AGBL1: variants seen among roughly 807,000 people sequenced by gnomAD.
AGBL1 encodes the protein cytosolic carboxypeptidase 4.
In AGBL1, 130 loss-of-function variants were observed where a neutral mutation model predicts 118.9. The ratio of observed to expected loss-of-function variants is 1.09; its 90% CI spans 0.95 to 1.26. AGBL1 has a LOEUF of 1.26. Ranked by LOEUF, AGBL1 falls within the 50% of genes most tolerant of loss-of-function variation. The pLI, the probability that AGBL1 is intolerant of heterozygous loss-of-function variation, is 0.00. For synonymous variants in AGBL1, 555 were observed against 478.9 expected (o/e 1.16, Z -2.08); for missense variants, 1,584 against 1,298.1 (o/e 1.22, Z -3.38).
At chr15:86,212,765 T>A (rs1266317044) in intron 5 of AGBL1, among the ~76,000 whole-genome samples, 1 of 152,212 alleles carries the variant, frequency 6.6e-6, no homozygotes, top group African/African-American at 2.4e-5. Context: ...TTCTTCTGCC[T>A]CAGCCTCCCA....
upstream of AGBL1, chr15:86,079,867 G>A (rs533660477): frequency 2.7e-3 from 2,171 of 790,384 alleles, 7 homozygotes; most frequent in Non-Finnish European, 3.3e-3. Flanking sequence ...TGAGGCCTCC[G>A]GGCAGTCGTC....
At chr15:86,157,344 G>A (rs571251568) in intron 4 of AGBL1, among the ~76,000 whole-genome samples, 3 of 152,338 alleles carry the variant, frequency 2.0e-5, no homozygotes, top group African/African-American at 7.2e-5. Flanking sequence ...TCTCATTAAT[G>A]AATAGACAGA....
chr15:86,749,993 A>C (rs190798363), intron 22 of AGBL1, among the ~76,000 whole-genome samples: 2,692 of 152,174 alleles, frequency 0.018, 34 homozygotes, highest in Non-Finnish European at 0.026. Context: ...TGTCTCTGCC[A>C]GGCTTTGGTA....
chr15:86,576,057 A>G (rs989693792), intron 21 of AGBL1, among the ~76,000 whole-genome samples: 6 of 152,224 alleles, frequency 3.9e-5, no homozygotes, highest in African/African-American at 1.4e-4. Context: ...TGAACATTGG[A>G]TGACTCAGAA....
intron 17 of AGBL1, among the ~76,000 whole-genome samples, chr15:86,316,334 A>T (rs543709457): frequency 3.0e-4 from 46 of 152,090 alleles, no homozygotes; most frequent in African/African-American, 1.1e-3. Flanking sequence ...TGCTTGATTC[A>T]TTTTTTCTTG....
At chr15:86,712,993 C>A (rs1285189973) in intron 22 of AGBL1, among the ~76,000 whole-genome samples, 1 of 152,158 alleles carries the variant, frequency 6.6e-6, no homozygotes, top group African/African-American at 2.4e-5. Flanking sequence ...ATGTGCACTA[C>A]AACCCATCCC....
intron 18 of AGBL1, among the ~76,000 whole-genome samples, chr15:86,409,676 G>A (rs2081583011): frequency 6.6e-6 from 1 of 152,146 alleles, no homozygotes; most frequent in African/African-American, 2.4e-5. Flanking sequence ...TGTGCCTGTA[G>A]TTGATGGGTT....
intron 17 of AGBL1, among the ~76,000 whole-genome samples, chr15:86,301,116 C>G (rs1407944449): frequency 6.6e-6 from 1 of 152,138 alleles, no homozygotes; most frequent in Non-Finnish European, 1.5e-5. Context: ...GAAGTGACAA[C>G]AGTGGTTGGT....
intron 22 of AGBL1, among the ~76,000 whole-genome samples, chr15:86,778,300 G>A (rs8026811): frequency 0.083 from 12,646 of 152,048 alleles, 607 homozygotes; most frequent in South Asian, 0.15. Context: ...ATGAAGTTTC[G>A]GGCACACAAT....
intron 17 of AGBL1, among the ~76,000 whole-genome samples, chr15:86,377,713 C>G (rs932998786): frequency 6.6e-6 from 1 of 152,138 alleles, no homozygotes; most frequent in Non-Finnish European, 1.5e-5. Flanking sequence ...GGGCCGCCCT[C>G]GTCCAGGTGG....
At chr15:86,461,246 T>G (rs141488628) in intron 18 of AGBL1, among the ~76,000 whole-genome samples, 3 of 152,234 alleles carry the variant, frequency 2.0e-5, no homozygotes, top group Non-Finnish European at 4.4e-5. Flanking sequence ...CTGCAACCAC[T>G]CTACTAGTTT....
chr15:86,339,596 T>G (rs1193296326), intron 17 of AGBL1, among the ~76,000 whole-genome samples: 2 of 152,214 alleles, frequency 1.3e-5, no homozygotes, highest in African/African-American at 4.8e-5. Flanking sequence ...AGGTAACAGA[T>G]TCTTCTTTCC....
intron 21 of AGBL1, among the ~76,000 whole-genome samples, chr15:86,561,091 G>C (rs562871683): frequency 1.3e-5 from 2 of 152,292 alleles, no homozygotes; most frequent in South Asian, 4.1e-4. Flanking sequence ...TAGGTTGCCT[G>C]TTCACTCTGA....
chr15:86,695,932 A>G (rs1302856218), intron 22 of AGBL1, among the ~76,000 whole-genome samples: 1 of 151,876 alleles, frequency 6.6e-6, no homozygotes, highest in African/African-American at 2.4e-5. Flanking sequence ...TTGATTTCCA[A>G]TTTGATTCCA....
intron 23 of AGBL1, among the ~76,000 whole-genome samples, chr15:86,949,100 G>T (rs530852256): frequency 6.6e-6 from 1 of 152,082 alleles, no homozygotes; most frequent in Non-Finnish European, 1.5e-5. Flanking sequence ...TCCAACAGGA[G>T]ATAATTTAGA....
chr15:86,710,479 G>C (rs1033926453), intron 22 of AGBL1, among the ~76,000 whole-genome samples: 3 of 152,272 alleles, frequency 2.0e-5, no homozygotes, highest in Non-Finnish European at 2.9e-5. Flanking sequence ...TTAAGGCTCT[G>C]CTCAGCATTA....
At position 86,596,995 on chromosome 15, in the gene AGBL1, A is replaced by G. The variant is rs16977827; in HGVS notation, c.2994+42458A>G. ...TGGACCAACATGTGACAGATATTTA[A>G]TAAATTCACATGGAATAAATTAGAC... On this transcript the variant is annotated intron_variant, in intron 21 of 22. Coordinates refer to ENST00000614907, the MANE Select transcript of AGBL1 (RefSeq NM_001386094.1). Among the ~76,000 whole-genome samples, 1,889 of 152,330 alleles carry G rather than the reference A, an allele frequency of 0.012. 62 individuals are homozygous for G. The East Asian group carries it at 0.15, about 12-fold the overall frequency.
chr15:87,007,721 G>A (rs2081519248), intron 24 of AGBL1, among the ~76,000 whole-genome samples: 1 of 152,190 alleles, frequency 6.6e-6, no homozygotes, highest in South Asian at 2.1e-4. Flanking sequence ...AGATATGTAA[G>A]TGAATCCATC....
At chr15:86,100,900 T>G (rs1420649068) in intron 1 of AGBL1, among the ~76,000 whole-genome samples, 2 of 152,182 alleles carry the variant, frequency 1.3e-5, no homozygotes, top group Non-Finnish European at 2.9e-5. Context: ...AGTCATTTCC[T>G]TCTACTCATT....
Sources: gnomAD v4.1 joint callset for allele counts (sites outside exome capture counted in the v4.1 genomes callset) on GRCh38, gnomAD v4.1.1 for gene constraint, MANE v1.5 for transcripts, NCBI Gene and HGNC (gene_info 2026-07-23, HGNC 2026-07-21) for gene names.